Variants in FAT1 observed in about 807,000 individuals in gnomAD.
FAT1 encodes FAT atypical cadherin 1.
In FAT1, 171 loss-of-function variants were observed where a neutral mutation model predicts 329.8. The ratio of observed to expected loss-of-function variants is 0.52; its 90% confidence interval spans 0.46 to 0.59. The LOEUF (loss-of-function observed/expected upper bound fraction) is 0.59, where lower values mean the gene tolerates loss of function less well. FAT1 is among the 20% of genes least tolerant of loss of function. The probability of loss-of-function intolerance (pLI) is 0.00; values close to 1 mark genes in which losing one functional copy is unlikely to be tolerated. For synonymous variants in FAT1, 2,233 were observed against 2,228.6 expected (o/e 1.00, Z -0.06); for missense variants, 5,672 against 5,774.4 (o/e 0.98, Z 0.57).
chr4:186,645,114 C>A (rs1184030056), intron 3 of FAT1, among the ~76,000 whole-genome samples: 2 of 151,900 alleles, frequency 1.3e-5, no homozygotes, highest in African/African-American at 4.8e-5. Flanking sequence ...GAAGAGAAGA[C>A]ACGTGGTCTA....
intron 2 of FAT1, among the ~76,000 whole-genome samples, chr4:186,692,246 C>T (rs574876711): frequency 6.6e-6 from 1 of 152,342 alleles, no homozygotes; most frequent in South Asian, 2.1e-4. Context: ...CCGTAACAAA[C>T]AACTCTAATA....
At chr4:186,642,818 C>G (rs1034985605) in intron 3 of FAT1, among the ~76,000 whole-genome samples, 1 of 152,156 alleles carries the variant, frequency 6.6e-6, no homozygotes, top group African/African-American at 2.4e-5. Context: ...CCTATAAAAA[C>G]GGTAGAGAAA....
intron 2 of FAT1, among the ~76,000 whole-genome samples, chr4:186,702,538 C>T (rs913009156): frequency 1.6e-4 from 25 of 152,212 alleles, no homozygotes; most frequent in African/African-American, 5.5e-4. Flanking sequence ...AGGGAACAGA[C>T]CTCAACCCAA....
At position 186,620,912 on chromosome 4, in the gene FAT1, T is replaced by C. The variant is rs771318103; in HGVS notation, c.5674A>G (p.Thr1892Ala). ...GTGATGACTTTTACTCCTTTGTATG[T>C]TGGTAACAAAAGAGATGCTTCATAT... ...PLYEASLLLPTYKGVKVITVN... is the reference protein window; with the variant it reads ...PLYEASLLLPAYKGVKVITVN... Residue 1892 changes from threonine (T) to alanine (A), a missense_variant, in exon 10 of 27, where the codon ACA (threonine) becomes GCA (alanine). Coordinates refer to ENST00000441802, the MANE Select transcript of FAT1 (RefSeq NM_005245.4). The C allele has an allele frequency of 6.2e-7, 1 of 1,614,036 alleles. No individual in the cohort carries two copies. Among genetic ancestry groups the C allele is most frequent in the South Asian group, 1.1e-5 (1 of 91,084 alleles).
chr4:186,642,453 G>T (rs553328776), intron 3 of FAT1, among the ~76,000 whole-genome samples: 11 of 152,148 alleles, frequency 7.2e-5, no homozygotes, highest in African/African-American at 1.4e-4. Context: ...ACACTTAAAC[G>T]TGTGAACATG....
In FAT1 at chr4:186,617,940, A is replaced by G. The variant is rs767714665; in HGVS notation, c.8646T>C (p.Asn2882=). 1 of 1,613,910 alleles carries G rather than the reference A, an allele frequency of 6.2e-7. No homozygotes were observed. Among genetic ancestry groups the G allele is most frequent in the East Asian group, 2.2e-5 (1 of 44,874 alleles). Residue 2882 remains asparagine, a synonymous_variant, in exon 10 of 27, where the codon AAT becomes AAC. Coordinates refer to ENST00000441802, the MANE Select transcript of FAT1 (RefSeq NM_005245.4). Reference sequence around the variant, plus strand: ...CTGATGCAACCACTTTAATCTGGTAATTGTCTCTCTTTTCATGGTCAAGTT... The same window carrying G: ...CTGATGCAACCACTTTAATCTGGTAGTTGTCTCTCTTTTCATGGTCAAGTT... ...LKELDHEKRD[N]YQIKVVASDH...
intron 2 of FAT1, among the ~76,000 whole-genome samples, chr4:186,697,394 G>A (rs758888404): frequency 3.3e-5 from 5 of 152,168 alleles, no homozygotes; most frequent in African/African-American, 7.2e-5. Context: ...GGGTGTGCGC[G>A]GACGGTCCAG....
intron 15 of FAT1, among the ~76,000 whole-genome samples, 187 bp from the exon 16 acceptor site, chr4:186,609,507 C>G (rs1241090085): frequency 6.6e-6 from 1 of 152,102 alleles, no homozygotes; most frequent in African/African-American, 2.4e-5. Context: ...AGCTCCGCCT[C>G]CTGGGTTCAC....
At chr4:186,678,983 G>A (rs1159619476) in intron 2 of FAT1, among the ~76,000 whole-genome samples, 1 of 152,096 alleles carries the variant, frequency 6.6e-6, no homozygotes, top group East Asian at 1.9e-4. Context: ...AGAAAATGTG[G>A]TACACATACT....
At chr4:186,668,606 CT>C (rs1742577003) in intron 2 of FAT1, among the ~76,000 whole-genome samples, 2 of 152,180 alleles carry the variant, frequency 1.3e-5, no homozygotes, top group Admixed American at 1.3e-4. Flanking sequence ...CACCAGCTGT[CT>C]CCAAGTATGA....
In FAT1 at chr4:186,708,026, A is replaced by G. The variant is rs1342138461; in HGVS notation, c.1802T>C (p.Leu601Ser). ...VSAIDADELQ[L>S]VQYQIEAGNE... is the part of the protein sequence containing the mutation. ...TCCAGCTTCAATCTGATACTGTACC[A>G]ACTGAAGTTCATCTGCATCAATAGC... The change falls in exon 2 of 27, where the codon TTG (leucine) becomes TCG (serine). Residue 601 changes from leucine to serine, a missense_variant. Physicochemically the swap from Leu to Ser is moderately radical, Grantham distance 145 (BLOSUM62 -2). Transcript: ENST00000441802. 1 of 1,614,006 alleles carries G rather than the reference A, an allele frequency of 6.2e-7. No individual in the cohort carries two copies. Among genetic ancestry groups the G allele is most frequent in the African/African-American group, 1.3e-5 (1 of 75,060 alleles).
At chr4:186,604,031 C>G in intron 18 of FAT1, 54 bp from the exon 19 acceptor site, 1 of 1,362,220 alleles carries the variant, frequency 7.3e-7, no homozygotes, top group Non-Finnish European at 1.0e-6. Flanking sequence ...TTTATAACTT[C>G]TTCAATAAAA....
rs1744830265 is a variant in FAT1, at chr4:186,709,337, A to G, written c.491T>C (p.Ile164Thr). The G allele has an allele frequency of 6.2e-7, 1 of 1,613,854 alleles. No homozygotes were observed. The highest frequency in any genetic ancestry group is 1.3e-5 in the African/African-American group (1 of 74,908). Residue 164 changes from isoleucine (I) to threonine (T), a missense_variant, in exon 2 of 27, where the codon ATA becomes ACA. Transcript: ENST00000441802. ...GCTGACTCTTGCGATACTGGTCCTT[A>G]TAGCTGTGTTTTCAGGTAAAGAAAC... ...YSVSLPENTAIRTSIARVSAT... is the reference protein window; with the variant it reads ...YSVSLPENTATRTSIARVSAT...
Position 186,597,975 on chromosome 4 carries a change from T to C in FAT1, c.12254A>G (p.Gln4085Arg), listed in dbSNP as rs775938826. The C allele has an allele frequency of 1.2e-6, 2 of 1,606,142 alleles. No individual in the cohort carries two copies. Among genetic ancestry groups the C allele is most frequent in the East Asian group, 4.5e-5 (2 of 44,862 alleles). ...VCQCRGLYTG[Q>R]RCQLSPYCKD... Reference sequence around the variant, plus strand: ...AAGTTAAGAAAAATACACATACCTCTGACCAGTATATAATCCTCTACACTG... The same window carrying C: ...AAGTTAAGAAAAATACACATACCTCCGACCAGTATATAATCCTCTACACTG... The change falls in exon 23 of 27, where the codon CAG becomes CGG. Residue 4085 changes from glutamine (Q) to arginine (R), a missense_variant. By Grantham distance (43) the Gln-to-Arg change is conservative. Around this residue, in one of 2 missense-constraint regions of FAT1, gnomAD observed 1,706 missense variants for 1,859.1 expected, o/e 0.92. Transcript: ENST00000441802.
intron 2 of FAT1, 108 bp downstream of exon 2, chr4:186,706,455 G>A (rs867793366): frequency 8.3e-7 from 1 of 1,197,908 alleles, no homozygotes; most frequent in Middle Eastern, 2.0e-4. Flanking sequence ...TCTATACCGA[G>A]CCCAAAGAGC....
intron 24 of FAT1, 135 bp downstream of exon 24, chr4:186,597,547 T>C (rs1738590958): frequency 3.2e-5 from 21 of 650,378 alleles, no homozygotes; most frequent in Middle Eastern, 2.8e-4. Context: ...AGATTATAAA[T>C]TATATAAGGG....
chr4:186,602,991 C>T lies in FAT1; in HGVS notation c.11394G>A (p.Pro3798=), dbSNP rs183715661. 1.5e-5 allele frequency: 24 copies of T among 1,613,910 alleles called. No individual in the cohort carries two copies. The highest frequency in any genetic ancestry group is 6.7e-5 in the East Asian group (3 of 44,884). Residue 3798 remains proline (P), a synonymous_variant, in exon 20 of 27, where the codon CCG becomes CCA. Coordinates refer to ENST00000441802, the MANE Select transcript of FAT1 (RefSeq NM_005245.4). Reference sequence around the variant, plus strand: ...ACACACATTCGGATCCCTCAGGGCACGGATCATCTTCACAGCCATGGTGGA... The same window carrying T: ...ACACACATTCGGATCCCTCAGGGCATGGATCATCTTCACAGCCATGGTGGA... ...PPVHHGCEDD[P]CPEGSECVSD...
chr4:186,665,538 G>T (rs1036447058), intron 2 of FAT1, among the ~76,000 whole-genome samples: 5 of 152,016 alleles, frequency 3.3e-5, no homozygotes, highest in African/African-American at 1.2e-4. Flanking sequence ...TTTTTGATGG[G>T]GTTGTTTTTT....
intron 2 of FAT1, among the ~76,000 whole-genome samples, chr4:186,683,653 C>T (rs1743329018): frequency 1.3e-5 from 2 of 152,244 alleles, no homozygotes; most frequent in Admixed American, 1.3e-4. Context: ...CTGGAGCAGG[C>T]ACACTTGCCA....
Sources: allele counts gnomAD v4.1 joint callset (sites outside exome capture counted in the v4.1 genomes callset), GRCh38; gene constraint gnomAD v4.1.1; regional missense constraint gnomAD v4.1.1; transcripts MANE v1.5; gene names NCBI Gene and HGNC (gene_info 2026-07-23, HGNC 2026-07-21).